Variants in ZCWPW2 observed in about 807,000 individuals in gnomAD.
ZCWPW2 encodes zinc finger CW-type PWWP domain protein 2.
In ZCWPW2, 45 loss-of-function variants were observed where a neutral mutation model predicts 46.6. The ratio of observed to expected loss-of-function variants is 0.96; its 90% CI spans 0.76 to 1.24. The LOEUF is 1.24. Among genes scored for constraint, ZCWPW2 ranks in the 50% most tolerant of loss-of-function variants. The pLI, the probability that ZCWPW2 is intolerant of heterozygous loss-of-function variation, is 0.00. For missense variants in ZCWPW2, 429 were observed against 403.9 expected, an observed-to-expected ratio of 1.06 and a Z score of -0.53; for synonymous variants, 152 against 137.1, an observed-to-expected ratio of 1.11 and a Z score of -0.76.
chr3:28,517,442 A>C (rs1173882691), intron 8 of ZCWPW2, among the ~76,000 whole-genome samples: 1 of 152,206 alleles, frequency 6.6e-6, no homozygotes, highest in Non-Finnish European at 1.5e-5. Context: ...TCATATGGCA[A>C]AAGCAGGAAC....
At chr3:28,354,114 A>G (rs1160174788) in intron 1 of ZCWPW2, among the ~76,000 whole-genome samples, 1 of 152,182 alleles carries the variant, frequency 6.6e-6, no homozygotes, top group Non-Finnish European at 1.5e-5. Flanking sequence ...AGCCAGTCAC[A>G]TTGACAAAGA....
At chr3:28,461,462 T>G (rs1258392580) in intron 4 of ZCWPW2, 6 of 152,130 alleles carry the variant, frequency 3.9e-5, no homozygotes, top group African/African-American at 1.4e-4. Context: ...AAAATGAAGT[T>G]TTATATTATT....
chr3:28,400,835 C>T (rs1695892983), intron 2 of ZCWPW2, among the ~76,000 whole-genome samples: 1 of 152,170 alleles, frequency 6.6e-6, no homozygotes, highest in African/African-American at 2.4e-5. Flanking sequence ...AAAACAAAAC[C>T]TCTTTAAAGC....
At chr3:28,399,679 G>A (rs1054523274) in intron 2 of ZCWPW2, among the ~76,000 whole-genome samples, 3 of 152,156 alleles carry the variant, frequency 2.0e-5, no homozygotes, top group Non-Finnish European at 4.4e-5. Context: ...CCAGAAGACA[G>A]ATAATTACTA....
intron 4 of ZCWPW2, among the ~76,000 whole-genome samples, chr3:28,437,565 C>T (rs1361519347): frequency 1.3e-5 from 2 of 151,974 alleles, no homozygotes; most frequent in Middle Eastern, 3.2e-3. Context: ...CCTTATGAGA[C>T]CTCTGACTTA....
chr3:28,498,662 T>TA (rs1256770210), intron 6 of ZCWPW2, among the ~76,000 whole-genome samples: 1 of 151,744 alleles, frequency 6.6e-6, no homozygotes, highest in Admixed American at 6.6e-5. Flanking sequence ...TTTTTTTTTT[T>TA]ATTATACTTT....
intron 4 of ZCWPW2, among the ~76,000 whole-genome samples, chr3:28,463,372 C>G (rs1029786588): frequency 2.0e-5 from 3 of 152,056 alleles, no homozygotes; most frequent in African/African-American, 7.2e-5. Context: ...GGTATTAACC[C>G]TTGACTTTAT....
At chr3:28,515,502 A>T in intron 7 of ZCWPW2, 52 bp from the exon 8 acceptor site, 1 of 1,350,764 alleles carries the variant, frequency 7.4e-7, no homozygotes, top group Non-Finnish European at 1.0e-6. Flanking sequence ...ATGGTCATTT[A>T]AATATTCATG....
intron 5 of ZCWPW2, among the ~76,000 whole-genome samples, chr3:28,485,633 T>C (rs1179819823): frequency 6.6e-6 from 1 of 152,302 alleles, no homozygotes; most frequent in African/African-American, 2.4e-5. Context: ...TTTATTATTA[T>C]GTATGACCCT....
chr3:28,442,562 G>A (rs757800914), intron 4 of ZCWPW2, among the ~76,000 whole-genome samples: 1 of 152,220 alleles, frequency 6.6e-6, no homozygotes, highest in African/African-American at 2.4e-5. Context: ...GACAGTAAAA[G>A]TATATTACTG....
intron 6 of ZCWPW2, among the ~76,000 whole-genome samples, chr3:28,513,456 A>G (rs1202263431): frequency 6.6e-6 from 1 of 151,944 alleles, no homozygotes; most frequent in Non-Finnish European, 1.5e-5. Context: ...GTACTACCTT[A>G]TTGCTTTTGT....
chr3:28,520,105 C>T (rs1390117955), intron 8 of ZCWPW2, among the ~76,000 whole-genome samples: 4 of 150,982 alleles, frequency 2.6e-5, no homozygotes, highest in Non-Finnish European at 4.4e-5. Context: ...CCCGGATTCA[C>T]GCCATTCTCC....
intron 5 of ZCWPW2, 132 bp downstream of exon 5, chr3:28,479,063 T>G (rs1326283184): frequency 6.8e-6 from 4 of 586,610 alleles, no homozygotes; most frequent in Non-Finnish European, 1.2e-5. Flanking sequence ...CATTGTTTAT[T>G]TGAAAATTAT....
At position 28,367,974 on chromosome 3, in the gene ZCWPW2, C is replaced by CT. The variant is rs560014512; in HGVS notation, c.-134+18778dup. ...CAGAGACTAGGCTTGCAACCCCTGC[C>CT]TTTTTTTGTTTTCCATTTGCTTGGT... On this transcript the variant is annotated intron_variant, in intron 1 of 9. Transcript: ENST00000383768. Among the ~76,000 whole-genome samples the CT allele has an allele frequency of 3.0e-4, 46 of 152,008 alleles. No homozygotes were observed. The East Asian group carries it at 7.4e-3, about 24-fold the overall frequency.
chr3:28,464,983 T>G (rs1559515314), intron 4 of ZCWPW2, among the ~76,000 whole-genome samples: 1 of 152,222 alleles, frequency 6.6e-6, no homozygotes, highest in Non-Finnish European at 1.5e-5. Context: ...TATTTGTCTT[T>G]GAGAATAATT....
At chr3:28,403,263 C>A (rs931547607) in intron 2 of ZCWPW2, among the ~76,000 whole-genome samples, 1 of 152,044 alleles carries the variant, frequency 6.6e-6, no homozygotes, top group African/African-American at 2.4e-5. Flanking sequence ...AGCAACCAAG[C>A]TGAGAATCAA....
At chr3:28,432,801 A>G (rs1032476633) in intron 3 of ZCWPW2, among the ~76,000 whole-genome samples, 2 of 152,158 alleles carry the variant, frequency 1.3e-5, no homozygotes, top group African/African-American at 4.8e-5. Context: ...ATATCTAGCT[A>G]TAGTTACAAT....
rs1696394370 is a variant in ZCWPW2 at position 28,411,437 on chromosome 3, C to G, written c.-13-1619C>G. On this transcript the variant is annotated intron_variant, in intron 2 of 9. Coordinates refer to ENST00000383768, the MANE Select transcript of ZCWPW2 (RefSeq NM_001040432.4). ...TACAAAAACCGTACTCCCAACATAA[C>G]AAACATTCGAAGCATTCTCTTTAAA... 6.6e-5 allele frequency among the ~76,000 whole-genome samples: 10 copies of G among 151,780 alleles called. No homozygotes were observed. The South Asian group carries it at 2.1e-3, about 32-fold the overall frequency.
At chr3:28,458,191 T>C (rs546086951) in intron 4 of ZCWPW2, among the ~76,000 whole-genome samples, 1 of 152,338 alleles carries the variant, frequency 6.6e-6, no homozygotes, top group African/African-American at 2.4e-5. Flanking sequence ...ATTACAGCTC[T>C]GTCTTACTCT....
Sources: allele counts gnomAD v4.1 joint callset (sites outside exome capture counted in the v4.1 genomes callset), GRCh38; gene constraint gnomAD v4.1.1; transcripts MANE v1.5; gene names NCBI Gene and HGNC (gene_info 2026-07-23, HGNC 2026-07-21).